The following KAZN variants were observed in gnomAD, a reference collection of about 807,000 sequenced individuals.
The protein encoded by KAZN is kazrin.
A neutral mutation model predicts 87.4 loss-of-function variants in KAZN; 40 were observed. The observed-to-expected ratio is 0.46, with a 90% CI of 0.36 to 0.60. The LOEUF is 0.60. Among genes scored for constraint, KAZN ranks in the 20% least tolerant of loss-of-function variants. The pLI, the probability that KAZN is intolerant of heterozygous loss-of-function variation, is 0.00. For synonymous variants in KAZN, 466 were observed against 458.3 expected (o/e 1.02, Z -0.22); for missense variants, 898 against 1,073.9 (o/e 0.84, Z 2.29).
chr1:14,854,122 C>T lies in KAZN; in HGVS notation c.227-106562C>T, dbSNP rs548374925. On this transcript the variant is annotated intron_variant, in intron 1 of 14. Transcript: ENST00000376030. Reference sequence around the variant, plus strand: ...GTTCCATGACAACCCTAGACCTACCCCCCGGTTAGATCATCTGGCCCTTTG... The same window carrying T: ...GTTCCATGACAACCCTAGACCTACCTCCCGGTTAGATCATCTGGCCCTTTG... 2.5e-4 allele frequency among the ~76,000 whole-genome samples: 38 copies of T among 152,266 alleles called. No individual in the cohort carries two copies. The South Asian group carries it at 6.9e-3, about 27-fold the overall frequency.
intron 2 of KAZN, among the ~76,000 whole-genome samples, chr1:14,473,296 T>A (rs956803301): frequency 3.3e-5 from 5 of 152,226 alleles, no homozygotes; most frequent in African/African-American, 1.2e-4. Flanking sequence ...TTTAAATGGG[T>A]AGCTTATATT....
intron 2 of KAZN, among the ~76,000 whole-genome samples, chr1:14,235,457 G>A (rs919569199): frequency 3.9e-5 from 6 of 152,160 alleles, no homozygotes; most frequent in Non-Finnish European, 5.9e-5. Context: ...AGCGGAGGGG[G>A]GATGTAGGGA....
intron 2 of KAZN, among the ~76,000 whole-genome samples, chr1:14,505,023 A>T (rs982942964): frequency 6.6e-6 from 1 of 152,152 alleles, no homozygotes; most frequent in Non-Finnish European, 1.5e-5. Context: ...AGTGTAGCTC[A>T]GGAGGGAACT....
chr1:14,171,537 A>AT (rs1027898018), intron 1 of KAZN, among the ~76,000 whole-genome samples: 3 of 152,226 alleles, frequency 2.0e-5, no homozygotes, highest in Middle Eastern at 3.2e-3. Context: ...TAATGAGACC[A>AT]TATTAAAGCA....
At chr1:14,355,215 G>A (rs1193160870) in intron 2 of KAZN, among the ~76,000 whole-genome samples, 1 of 152,110 alleles carries the variant, frequency 6.6e-6, no homozygotes, top group African/African-American at 2.4e-5. Flanking sequence ...GTGGGAACAA[G>A]AAGGAACTTT....
At chr1:14,302,738 T>C (rs1654639415) in intron 2 of KAZN, among the ~76,000 whole-genome samples, 1 of 152,170 alleles carries the variant, frequency 6.6e-6, no homozygotes, top group Non-Finnish European at 1.5e-5. Flanking sequence ...CAGCTACTCA[T>C]AGGTGCTTTT....
At chr1:14,298,609 T>C (rs940540569) in intron 2 of KAZN, among the ~76,000 whole-genome samples, 2 of 152,246 alleles carry the variant, frequency 1.3e-5, no homozygotes, top group African/African-American at 4.8e-5. Flanking sequence ...AGGTATTATT[T>C]TTAGTTTGCA....
At chr1:14,927,239 G>A (rs1659270063) in intron 1 of KAZN, among the ~76,000 whole-genome samples, 1 of 152,164 alleles carries the variant, frequency 6.6e-6, no homozygotes, top group East Asian at 1.9e-4. Context: ...CTGGGAACAG[G>A]AATCCGGTTC....
chr1:14,662,209 G>A (rs2148717105), intron 1 of KAZN, among the ~76,000 whole-genome samples: 1 of 152,272 alleles, frequency 6.6e-6, no homozygotes, highest in South Asian at 2.1e-4. Flanking sequence ...CCAGCGGCCG[G>A]CAGGACTGGA....
intron 2 of KAZN, among the ~76,000 whole-genome samples, chr1:14,277,870 TA>T (rs1290644072): frequency 2.6e-5 from 4 of 152,086 alleles, no homozygotes; most frequent in African/African-American, 9.7e-5. Flanking sequence ...CCTACTGCAT[TA>T]GGGGTAGAGA....
chr1:14,658,792 T>C (rs1436689594), intron 1 of KAZN, among the ~76,000 whole-genome samples: 4 of 152,132 alleles, frequency 2.6e-5, no homozygotes, highest in Non-Finnish European at 4.4e-5. Context: ...ATGTGAAGCC[T>C]CCAGTGTCTT....
intron 2 of KAZN, among the ~76,000 whole-genome samples, chr1:14,414,936 GA>G (rs1263607016): frequency 1.3e-5 from 2 of 152,176 alleles, no homozygotes; most frequent in Non-Finnish European, 2.9e-5. Flanking sequence ...TGAGACAAGA[GA>G]ATTGCTTGAA....
intron 1 of KAZN, among the ~76,000 whole-genome samples, chr1:14,700,013 C>T (rs966316239): frequency 2.0e-5 from 3 of 151,992 alleles, no homozygotes; most frequent in Admixed American, 6.6e-5. Context: ...AAGTATGGTG[C>T]GTTCAAGGAA....
At chr1:14,536,814 G>A (rs532575062) in intron 2 of KAZN, among the ~76,000 whole-genome samples, 23 of 152,092 alleles carry the variant, frequency 1.5e-4, no homozygotes, top group Middle Eastern at 3.4e-3. Context: ...CCCGGGAGGC[G>A]GATGTTGCAG....
At chr1:13,907,934 C>G (rs1383843577) in intron 1 of KAZN, among the ~76,000 whole-genome samples, 1 of 152,168 alleles carries the variant, frequency 6.6e-6, no homozygotes, top group Non-Finnish European at 1.5e-5. Context: ...TAAACAAGAG[C>G]TGATTCTCTG....
intron 2 of KAZN, among the ~76,000 whole-genome samples, chr1:14,296,053 G>C (rs572106914): frequency 6.6e-6 from 1 of 152,128 alleles, no homozygotes; most frequent in African/African-American, 2.4e-5. Flanking sequence ...CTACCTCATA[G>C]GGTTGCCATA....
At chr1:14,603,745 T>C (rs1290903257) in intron 1 of KAZN, among the ~76,000 whole-genome samples, 1 of 152,170 alleles carries the variant, frequency 6.6e-6, no homozygotes, top group African/African-American at 2.4e-5. Context: ...TTTACCCTCT[T>C]ACTCCTCAAG....
At chr1:14,089,336 A>G (rs753739588) in intron 1 of KAZN, among the ~76,000 whole-genome samples, 1 of 152,014 alleles carries the variant, frequency 6.6e-6, no homozygotes, top group Non-Finnish European at 1.5e-5. Flanking sequence ...TCTGCTATTC[A>G]TTTCAATACA....
chr1:14,286,347 A>C (rs1484800543), intron 2 of KAZN, among the ~76,000 whole-genome samples: 1 of 152,230 alleles, frequency 6.6e-6, no homozygotes, highest in East Asian at 1.9e-4. Context: ...TAAATTAATT[A>C]GCTCTTTAAA....
Sources: gnomAD v4.1 joint callset for allele counts (sites outside exome capture counted in the v4.1 genomes callset) on GRCh38, gnomAD v4.1.1 for gene constraint, MANE v1.5 for transcripts, NCBI Gene and HGNC (gene_info 2026-07-23, HGNC 2026-07-21) for gene names.